The following PACRG variants were observed in gnomAD, a reference collection of about 807,000 sequenced individuals.
The protein encoded by PACRG is parkin coregulated gene protein.
PACRG carries 29 observed loss-of-function variants against 29.7 expected under a neutral mutation model. The ratio of observed to expected loss-of-function variants is 0.98; its 90% confidence interval spans 0.73 to 1.33. The LOEUF (loss-of-function observed/expected upper bound fraction) is 1.33. Among genes scored for constraint, PACRG ranks in the 40% most tolerant of loss-of-function variants. The probability of loss-of-function intolerance (pLI) is 0.00; values close to 1 mark genes in which losing one functional copy is unlikely to be tolerated. For missense variants in PACRG, 279 were observed against 316.2 expected (o/e 0.88, Z 0.89); for synonymous variants, 116 against 118.7 (o/e 0.98, Z 0.15).
chr6:163,256,767 C>A (rs748904572), intron 4 of PACRG, among the ~76,000 whole-genome samples: 2 of 152,166 alleles, frequency 1.3e-5, no homozygotes, highest in African/African-American at 2.4e-5. Flanking sequence ...CTGAGTGAGA[C>A]GGGAGGTCCA....
intron 1 of PACRG, among the ~76,000 whole-genome samples, chr6:162,799,369 G>A (rs542227904): frequency 1.1e-4 from 16 of 152,190 alleles, no homozygotes; most frequent in South Asian, 2.1e-4. Context: ...TTTCATGGTC[G>A]AATAGACTGT....
chr6:163,293,062 A>G (rs913696765), intron 4 of PACRG, among the ~76,000 whole-genome samples: 2 of 152,242 alleles, frequency 1.3e-5, no homozygotes, highest in Non-Finnish European at 2.9e-5. Flanking sequence ...TATTTGAGTC[A>G]CCAGAAAAGA....
At chr6:163,104,211 C>G (rs1815258221) in intron 4 of PACRG, among the ~76,000 whole-genome samples, 1 of 152,156 alleles carries the variant, frequency 6.6e-6, no homozygotes, top group Non-Finnish European at 1.5e-5. Context: ...GAGAAAAACT[C>G]TAAACACAGA....
At chr6:163,095,143 C>T (rs754536542) in intron 4 of PACRG, among the ~76,000 whole-genome samples, 3 of 152,226 alleles carry the variant, frequency 2.0e-5, no homozygotes, top group African/African-American at 4.8e-5. Flanking sequence ...TGCCCCCACG[C>T]GTGGTCAGCC....
chr6:162,826,234 G>GT (rs979591785), intron 2 of PACRG, among the ~76,000 whole-genome samples: 11 of 152,090 alleles, frequency 7.2e-5, no homozygotes, highest in African/African-American at 2.7e-4. Context: ...TTGTGTATGT[G>GT]TGTGTGTAAT....
intron 3 of PACRG, among the ~76,000 whole-genome samples, chr6:163,070,545 G>A (rs1470233382): frequency 1.3e-5 from 2 of 151,638 alleles, no homozygotes; most frequent in Admixed American, 1.3e-4. Flanking sequence ...AACATACAAT[G>A]GATATACATA....
intron 4 of PACRG, chr6:163,312,793 C>A: frequency 2.3e-6 from 1 of 437,304 alleles, no homozygotes; most frequent in African/African-American, 2.1e-5. Flanking sequence ...TTACTCTTTG[C>A]CCAGGCTGGA....
At chr6:163,253,347 A>G (rs1782984410) in intron 4 of PACRG, among the ~76,000 whole-genome samples, 1 of 151,980 alleles carries the variant, frequency 6.6e-6, no homozygotes, top group African/African-American at 2.4e-5. Context: ...AAAATGTAAA[A>G]AAATAGATGA....
At chr6:162,875,283 TCACA>T (rs762538764) in intron 2 of PACRG, among the ~76,000 whole-genome samples, 4 of 145,778 alleles carry the variant, frequency 2.7e-5, no homozygotes, top group East Asian at 2.0e-4. Context: ...CCACACACAT[TCACA>T]CACACACATG....
intron 4 of PACRG, among the ~76,000 whole-genome samples, chr6:163,164,295 C>A (rs541712368): frequency 1.3e-5 from 2 of 152,320 alleles, no homozygotes; most frequent in South Asian, 2.1e-4. Flanking sequence ...GTTCATGGCA[C>A]AGCCTTTTCA....
intron 2 of PACRG, among the ~76,000 whole-genome samples, chr6:162,915,259 A>G (rs945005600): frequency 4.6e-5 from 7 of 151,968 alleles, no homozygotes; most frequent in African/African-American, 1.7e-4. Context: ...TTTTCTGCCA[A>G]TATTAAAATA....
At chr6:163,222,698 A>G (rs1781637972) in intron 4 of PACRG, among the ~76,000 whole-genome samples, 1 of 152,198 alleles carries the variant, frequency 6.6e-6, no homozygotes, top group South Asian at 2.1e-4. Flanking sequence ...GCATTTGCCC[A>G]ATCTGCCCAA....
At chr6:163,253,934 G>A (rs781519470) in intron 4 of PACRG, among the ~76,000 whole-genome samples, 6 of 152,158 alleles carry the variant, frequency 3.9e-5, no homozygotes, top group Non-Finnish European at 5.9e-5. Context: ...GACCCCTGAC[G>A]GGGAGCCAGG....
chr6:163,111,603 C>G (rs1159220351), intron 4 of PACRG, among the ~76,000 whole-genome samples: 1 of 152,146 alleles, frequency 6.6e-6, no homozygotes, highest in Non-Finnish European at 1.5e-5. Flanking sequence ...TTGCTTTTAG[C>G]CCCCTCCCTT....
chr6:163,057,280 TG>T (rs1810678230), intron 2 of PACRG, among the ~76,000 whole-genome samples: 1 of 152,244 alleles, frequency 6.6e-6, no homozygotes, highest in Non-Finnish European at 1.5e-5. Context: ...CCAAATTTTT[TG>T]GTCTCTAGTT....
chr6:162,937,994 A>G (rs1190060925), intron 2 of PACRG, among the ~76,000 whole-genome samples: 2 of 152,044 alleles, frequency 1.3e-5, no homozygotes, highest in Non-Finnish European at 2.9e-5. Flanking sequence ...TGGTGCACCC[A>G]TTACCCAAGT....
rs189187797 is a variant in PACRG at position 163,260,104 on chromosome 6, A to G, written c.614-54723A>G. On this transcript the variant is annotated intron_variant, in intron 4 of 4. Coordinates refer to ENST00000366888, the MANE Select transcript of PACRG (RefSeq NM_001080379.2). ...CCTTGGTGCCTCCAGATCTCACTCC[A>G]ACTCTCATCCCCCTTCCCTTCCCGA... 3.7e-4 allele frequency among the ~76,000 whole-genome samples: 56 copies of G among 151,706 alleles called. No homozygotes were observed. In the East Asian group the frequency reaches 1.0e-2, roughly 27 times the overall value.
intron 2 of PACRG, among the ~76,000 whole-genome samples, chr6:162,839,808 A>G (rs1179155751): frequency 1.3e-5 from 2 of 151,786 alleles, no homozygotes; most frequent in Admixed American, 6.6e-5. Flanking sequence ...AGCTTTCTAC[A>G]TATGGCTAGC....
At chr6:163,208,603 T>C (rs1193941433) in intron 4 of PACRG, among the ~76,000 whole-genome samples, 2 of 152,228 alleles carry the variant, frequency 1.3e-5, no homozygotes, top group African/African-American at 4.8e-5. Context: ...TTTCCATCTT[T>C]TTTGGTATCA....
Sources: allele counts gnomAD v4.1 joint callset (sites outside exome capture counted in the v4.1 genomes callset), GRCh38; gene constraint gnomAD v4.1.1; transcripts MANE v1.5; gene names NCBI Gene and HGNC (gene_info 2026-07-23, HGNC 2026-07-21).